NF1: variants seen among roughly 807,000 people sequenced by gnomAD.
NF1 encodes neurofibromin 1.
NF1 carries 122 observed loss-of-function variants against 325.7 expected under a neutral mutation model. The ratio of observed to expected loss-of-function variants is 0.37; its 90% CI spans 0.32 to 0.44. NF1 has a LOEUF of 0.44. Among genes scored for constraint, NF1 ranks in the 20% least tolerant of loss-of-function variants. The probability of loss-of-function intolerance (pLI) is 1.00; values close to 1 mark genes in which losing one functional copy is unlikely to be tolerated. For synonymous variants in NF1, 1,091 were observed against 1,186.0 expected, an observed-to-expected ratio of 0.92 and a Z score of 1.65; for missense variants, 2,140 against 3,415.4, an observed-to-expected ratio of 0.63 and a Z score of 9.31.
rs1479130606 is a variant in NF1 at position 31,218,852 on chromosome 17, G to A, written c.1528-153G>A. ...CTCCCAAAGTCCTGGGCTTACAGGC[G>A]TGAACCACCGCGTCCAGCCTAGTTC... On this transcript the variant is annotated intron_variant, in intron 13 of 57. Transcript: ENST00000358273. Among the ~76,000 whole-genome samples, 6 of 152,310 alleles carry A rather than the reference G, an allele frequency of 3.9e-5. No homozygotes were observed. In the South Asian group the frequency reaches 8.3e-4, roughly 21 times the overall value.
rs142598053 is a variant in NF1 at position 31,156,754 on chromosome 17, G to A, written c.204+628G>A. 3.7e-3 allele frequency among the ~76,000 whole-genome samples: 560 copies of A among 152,028 alleles called. 2 individuals are homozygous for A. Among genetic ancestry groups the A allele is most frequent in the Non-Finnish European group, 5.8e-3 (397 of 67,986 alleles). On this transcript the variant is annotated intron_variant, in intron 2 of 57. Coordinates refer to ENST00000358273, the MANE Select transcript of NF1 (RefSeq NM_001042492.3). ...TTCCCATTTTCTAAAATCGATTGACGTTTCCTAGACTTCAGAGTACTCCAG... is the reference window on the plus strand; with the variant it reads ...TTCCCATTTTCTAAAATCGATTGACATTTCCTAGACTTCAGAGTACTCCAG...
chr17:31,242,571 G>A (rs1206969861), intron 29 of NF1, among the ~76,000 whole-genome samples: 1 of 152,020 alleles, frequency 6.6e-6, no homozygotes, highest in Non-Finnish European at 1.5e-5. Flanking sequence ...GCTTTTAAGA[G>A]ACTCTTGATG....
chr17:31,255,173 G>A (rs2067561185), intron 31 of NF1, among the ~76,000 whole-genome samples: 1 of 152,088 alleles, frequency 6.6e-6, no homozygotes, highest in African/African-American at 2.4e-5. Flanking sequence ...AGCATATATG[G>A]GTAGTAATGC....
intron 12 of NF1, 55 bp downstream of exon 12, chr17:31,206,426 G>T: frequency 6.2e-7 from 1 of 1,604,292 alleles, no homozygotes. Flanking sequence ...ATTTTTTTTA[G>T]TGTCTTTATC....
chr17:31,210,057 A>ACAGT (rs1234571228), intron 12 of NF1, among the ~76,000 whole-genome samples: 3 of 152,352 alleles, frequency 2.0e-5, no homozygotes, highest in African/African-American at 7.2e-5. Context: ...TGGTTAATGA[A>ACAGT]CAGTCAACCA....
chr17:31,332,114 CAAGTG>C (rs1458509450), intron 39 of NF1, among the ~76,000 whole-genome samples: 2 of 151,830 alleles, frequency 1.3e-5, no homozygotes, highest in African/African-American at 2.4e-5. Flanking sequence ...AAAATAAACA[CAAGTG>C]AAGATAATTA....
chr17:31,286,049 AACTT>A (rs1477239755), intron 36 of NF1, among the ~76,000 whole-genome samples: 1 of 152,154 alleles, frequency 6.6e-6, no homozygotes, highest in South Asian at 2.1e-4. Context: ...ATTTTTTACT[AACTT>A]CAAGTGATTC....
chr17:31,327,656 C>T lies in NF1; in HGVS notation c.5426C>T (p.Pro1809Leu), dbSNP rs587782220. Residue 1809 changes from proline (P) to leucine (L), a missense_variant, in exon 38 of 58, where the codon CCG (proline) becomes CTG (leucine). Transcript: ENST00000358273. ...TTAACCATTGCAAACCAGGGCACGC[C>T]GCTCACCTTCATGCACCAGGAGTGT... ...FTLTIANQGT[P>L]LTFMHQECEA... is the part of the protein sequence containing the mutation. The T allele has an allele frequency of 3.2e-5, 51 of 1,613,958 alleles. No homozygotes were observed. The highest frequency in any genetic ancestry group is 8.3e-5 in the Admixed American group (5 of 59,990).
chr17:31,240,757 T>C (rs2067282442), intron 29 of NF1, among the ~76,000 whole-genome samples: 1 of 152,232 alleles, frequency 6.6e-6, no homozygotes, highest in African/African-American at 2.4e-5. Flanking sequence ...ATTGCCCGTC[T>C]TTTGGATAAA....
rs1597745756 is a variant in NF1 at position 31,259,124 on chromosome 17, A to G, written c.4425A>G (p.Ala1475=). The G allele has an allele frequency of 6.3e-7, 1 of 1,597,506 alleles. No homozygotes were observed. Among genetic ancestry groups the G allele is most frequent in the Non-Finnish European group, 8.6e-7 (1 of 1,169,144 alleles). ...NDFVKSNFDA[A]RRFFLDIASD... Reference sequence around the variant, plus strand: ...TTGTGAAAAGCAACTTTGATGCAGCACGCAGGTAATTTTCTTGCCACTTAC... The same window carrying G: ...TTGTGAAAAGCAACTTTGATGCAGCGCGCAGGTAATTTTCTTGCCACTTAC... The change falls in exon 33 of 58, where the codon GCA becomes GCG. Residue 1475 remains alanine (A), a synonymous_variant. Transcript: ENST00000358273.
chr17:31,103,843 A>C (rs1040863481), intron 1 of NF1, among the ~76,000 whole-genome samples: 1 of 152,052 alleles, frequency 6.6e-6, no homozygotes, highest in Non-Finnish European at 1.5e-5. Context: ...AAAATCAGCC[A>C]GTGTGCATTG....
intron 31 of NF1, among the ~76,000 whole-genome samples, chr17:31,255,987 T>A (rs1012055273): frequency 1.3e-5 from 2 of 152,184 alleles, no homozygotes; most frequent in African/African-American, 4.8e-5. Flanking sequence ...TAAAAACTTT[T>A]AGAATTTTAA....
Position 31,114,524 on chromosome 17 carries a change from T to G in NF1, c.60+19155T>G, listed in dbSNP as rs1487679199. ...CTGCACTCCAGCCTGGGTGACAGAGTGAGACTGTCTCACAAAAAAGAATAA... is the reference window on the plus strand; with the variant it reads ...CTGCACTCCAGCCTGGGTGACAGAGGGAGACTGTCTCACAAAAAAGAATAA... On this transcript the variant is annotated intron_variant, in intron 1 of 57. Coordinates refer to ENST00000358273, the MANE Select transcript of NF1 (RefSeq NM_001042492.3). Among the ~76,000 whole-genome samples, 5 of 100,098 alleles carry G rather than the reference T, an allele frequency of 5.0e-5. No individual in the cohort carries two copies. In the East Asian group the frequency reaches 8.8e-4, roughly 18 times the overall value. The allele number at this position is 100,098 out of a possible 152,430, so 65.7% of individuals were successfully genotyped here. A position where few individuals can be genotyped will look rare whatever the true frequency, so the allele number is the denominator to read the frequency against.
intron 5 of NF1, among the ~76,000 whole-genome samples, chr17:31,171,369 A>C (rs2953009): frequency 0.54 from 81,709 of 152,084 alleles, 25,832 homozygotes; most frequent in Middle Eastern, 0.76. Context: ...GCAGTTGAGA[A>C]ACTGAATGGT....
At chr17:31,164,091 A>G (rs1395553383) in intron 4 of NF1, among the ~76,000 whole-genome samples, 1 of 152,200 alleles carries the variant, frequency 6.6e-6, no homozygotes, top group Non-Finnish European at 1.5e-5. Context: ...TGAGCAAACT[A>G]ATACTCAAAA....
intron 36 of NF1, chr17:31,305,168 G>A (rs1391742279): frequency 1.9e-6 from 3 of 1,614,036 alleles, no homozygotes; most frequent in Admixed American, 1.7e-5. Flanking sequence ...GATGATTGTT[G>A]AGTAAAAGTA....
chr17:31,201,196 A>T (rs781459409), intron 10 of NF1, 37 bp downstream of exon 10: 1 of 1,612,922 alleles, frequency 6.2e-7, no homozygotes, highest in Non-Finnish European at 8.5e-7. Flanking sequence ...ATATTTACTG[A>T]TGCTGTTATC....
intron 1 of NF1, among the ~76,000 whole-genome samples, chr17:31,100,205 T>C (rs942894144): frequency 5.3e-5 from 8 of 152,312 alleles, no homozygotes; most frequent in Middle Eastern, 3.4e-3. Flanking sequence ...GTTGTTCTCA[T>C]ACATTGAGTG....
Position 31,327,732 on chromosome 17 carries a change from A to G in NF1, c.5502A>G (p.Ser1834=), listed in dbSNP as rs747487014. The change falls in exon 38 of 58, where the codon TCA becomes TCG. Residue 1834 remains serine, a synonymous_variant. Coordinates refer to ENST00000358273, the MANE Select transcript of NF1 (RefSeq NM_001042492.3). ...ATATCCGGACCCGCTGGGAACTGTC[A>G]CAGCCCGACTCTATCCCCCAACACA... ...IIHIRTRWEL[S]QPDSIPQHTK... is the part of the protein sequence containing the mutation. 1.2e-6 allele frequency: 2 copies of G among 1,614,112 alleles called. No individual in the cohort carries two copies. Among genetic ancestry groups the G allele is most frequent in the Admixed American group, 3.3e-5 (2 of 60,026 alleles).
Sources: allele counts gnomAD v4.1 joint callset (sites outside exome capture counted in the v4.1 genomes callset), GRCh38; gene constraint gnomAD v4.1.1; transcripts MANE v1.5; gene names NCBI Gene and HGNC (gene_info 2026-07-23, HGNC 2026-07-21).